The following SOX5 variants were observed in gnomAD, a reference collection of about 807,000 sequenced individuals.
SOX5 encodes transcription factor SOX-5.
A neutral mutation model predicts 92.0 loss-of-function variants in SOX5; 9 were observed. The ratio of observed to expected loss-of-function variants is 0.10; its 90% CI spans 0.06 to 0.17. The LOEUF (loss-of-function observed/expected upper bound fraction) is 0.17, where lower values mean the gene tolerates loss of function less well. Among genes scored for constraint, SOX5 ranks in the 10% least tolerant of loss-of-function variants. The probability of loss-of-function intolerance (pLI) is 1.00; values close to 1 mark genes in which losing one functional copy is unlikely to be tolerated. For synonymous variants in SOX5, 344 were observed against 336.3 expected, an observed-to-expected ratio of 1.02 and a Z score of -0.25; for missense variants, 642 against 944.5, an observed-to-expected ratio of 0.68 and a Z score of 4.20.
chr12:24,291,643 A>T (rs1033019339), intron 2 of SOX5, among the ~76,000 whole-genome samples: 3 of 152,234 alleles, frequency 2.0e-5, no homozygotes, highest in Non-Finnish European at 4.4e-5. Flanking sequence ...TACAGTTGTA[A>T]CACTTTCTAA....
At chr12:23,586,930 A>AT (rs1020903351) in intron 9 of SOX5, among the ~76,000 whole-genome samples, 1 of 149,608 alleles carries the variant, frequency 6.7e-6, no homozygotes, top group Non-Finnish European at 1.5e-5. Flanking sequence ...TATATTATAT[A>AT]TTTTTTATAT....
chr12:24,212,593 G>A (rs1349261984), intron 4 of SOX5: 2 of 464,392 alleles, frequency 4.3e-6, no homozygotes, highest in Non-Finnish European at 8.6e-6. Flanking sequence ...GAGCATTGTT[G>A]AAACAACCAA....
At chr12:23,905,914 C>G (rs2097288961) in intron 1 of SOX5, among the ~76,000 whole-genome samples, 1 of 152,142 alleles carries the variant, frequency 6.6e-6, no homozygotes. Context: ...TTCCTTATCT[C>G]AAAAACAGAA....
At position 23,548,298 on chromosome 12, in the gene SOX5, T is replaced by C. The variant is rs962495097; in HGVS notation, c.1489-1874A>G. Among the ~76,000 whole-genome samples the C allele has an allele frequency of 9.2e-5, 14 of 152,078 alleles. No individual in the cohort carries two copies. The East Asian group carries it at 2.5e-3, about 27-fold the overall frequency. On this transcript the variant is annotated intron_variant, in intron 11 of 14. Coordinates refer to ENST00000451604, the MANE Select transcript of SOX5 (RefSeq NM_006940.6). ...CAGCTCTACAGATGCTGTGCTGTCT[T>C]ACCAAGAGACTAAAATTAACAAATA...
intron 4 of SOX5, among the ~76,000 whole-genome samples, chr12:24,022,651 T>C (rs944891579): frequency 6.6e-6 from 1 of 152,060 alleles, no homozygotes; most frequent in Non-Finnish European, 1.5e-5. Context: ...CTCCCAAGGA[T>C]TGGCAGGGCT....
chr12:24,096,156 T>C (rs201718571), intron 4 of SOX5, among the ~76,000 whole-genome samples: 1 of 152,318 alleles, frequency 6.6e-6, no homozygotes, highest in South Asian at 2.1e-4. Context: ...CTGGGGTACA[T>C]GTGCAGAACA....
intron 1 of SOX5, among the ~76,000 whole-genome samples, chr12:24,440,601 TG>T (rs1940355928): frequency 1.4e-5 from 1 of 73,362 alleles, no homozygotes; most frequent in African/African-American, 4.4e-5. Flanking sequence ...CCTTTGTGTG[TG>T]TGTGTGTGTG....
At chr12:24,176,907 A>T (rs1003535475) in intron 4 of SOX5, among the ~76,000 whole-genome samples, 2 of 152,070 alleles carry the variant, frequency 1.3e-5, no homozygotes, top group Non-Finnish European at 2.9e-5. Flanking sequence ...AATAGACCAA[A>T]GCATTGTTTT....
At chr12:24,500,655 G>A (rs1232902800) in intron 1 of SOX5, among the ~76,000 whole-genome samples, 1 of 152,012 alleles carries the variant, frequency 6.6e-6, no homozygotes, top group Non-Finnish European at 1.5e-5. Flanking sequence ...TCCCAACATT[G>A]AAGAATATTG....
At chr12:23,913,995 G>A (rs184553754) in intron 1 of SOX5, among the ~76,000 whole-genome samples, 1 of 152,180 alleles carries the variant, frequency 6.6e-6, no homozygotes, top group East Asian at 1.9e-4. Context: ...GCTTTGGAAA[G>A]GTAACTCAAC....
intron 2 of SOX5, among the ~76,000 whole-genome samples, chr12:24,349,879 A>G (rs554785007): frequency 3.3e-5 from 5 of 152,304 alleles, no homozygotes; most frequent in Middle Eastern, 6.8e-3. Flanking sequence ...GACAGCAGCT[A>G]TATCATTTTA....
At chr12:24,453,846 T>C (rs184494488) in intron 1 of SOX5, among the ~76,000 whole-genome samples, 4 of 152,352 alleles carry the variant, frequency 2.6e-5, no homozygotes, top group Admixed American at 6.5e-5. Context: ...TGGCTTCAGG[T>C]GTTGATACTC....
At chr12:23,535,915 G>C (rs577801190) in intron 14 of SOX5, among the ~76,000 whole-genome samples, 1 of 152,094 alleles carries the variant, frequency 6.6e-6, no homozygotes, top group Non-Finnish European at 1.5e-5. Context: ...AAAACATCTC[G>C]GAGCTGCGTT....
chr12:24,113,255 TA>T (rs10717747), intron 4 of SOX5, among the ~76,000 whole-genome samples: 66,724 of 118,042 alleles, frequency 0.57, 17,695 homozygotes, highest in East Asian at 0.83. Flanking sequence ...TGTAGAATCA[TA>T]AAAAAAAAAA....
intron 4 of SOX5, among the ~76,000 whole-genome samples, chr12:23,983,934 G>A (rs956514600): frequency 2.6e-5 from 4 of 152,034 alleles, no homozygotes; most frequent in African/African-American, 4.8e-5. Context: ...ACCTCAATGT[G>A]CAGCTTGGGA....
intron 1 of SOX5, among the ~76,000 whole-genome samples, chr12:24,449,425 A>G (rs1169316541): frequency 1.3e-5 from 2 of 152,186 alleles, no homozygotes; most frequent in Non-Finnish European, 2.9e-5. Flanking sequence ...CATGATCTTC[A>G]AAATATCTAG....
chr12:23,581,734 G>T (rs1476042874), intron 9 of SOX5, among the ~76,000 whole-genome samples: 1 of 152,040 alleles, frequency 6.6e-6, no homozygotes, highest in Non-Finnish European at 1.5e-5. Flanking sequence ...ATAAAGAAAA[G>T]AAGTCCATTT....
At chr12:23,650,055 C>T (rs76807505) in intron 7 of SOX5, among the ~76,000 whole-genome samples, 286 of 152,104 alleles carry the variant, frequency 1.9e-3, no homozygotes, top group African/African-American at 6.7e-3. Flanking sequence ...TACCAGCTTG[C>T]CTTCTGTAGG....
At position 23,567,977 on chromosome 12, in the gene SOX5, T is replaced by A. The variant is rs541018932; in HGVS notation, c.1343-4574A>T. 2.6e-5 allele frequency among the ~76,000 whole-genome samples: 4 copies of A among 152,266 alleles called. No homozygotes were observed. The East Asian group carries it at 7.7e-4, about 29-fold the overall frequency. ...AGAAAATAAAATACAAAACCACTTG[T>A]AATGGGTTGAATTGTGTCTGCCCAA... On this transcript the variant is annotated intron_variant, in intron 10 of 14. Coordinates refer to ENST00000451604, the MANE Select transcript of SOX5 (RefSeq NM_006940.6).
Sources: gnomAD v4.1 joint callset for allele counts (sites outside exome capture counted in the v4.1 genomes callset) on GRCh38, gnomAD v4.1.1 for gene constraint, MANE v1.5 for transcripts, NCBI Gene and HGNC (gene_info 2026-07-23, HGNC 2026-07-21) for gene names.